Variants in TDRD7 observed in about 807,000 individuals in gnomAD.
TDRD7 encodes the protein tudor domain-containing protein 7.
A neutral mutation model predicts 109.8 loss-of-function variants in TDRD7; 47 were observed. The ratio of observed to expected loss-of-function variants is 0.43; its 90% CI spans 0.34 to 0.55. The LOEUF is 0.55. Ranked by LOEUF, TDRD7 falls within the 20% of genes least tolerant of loss-of-function variation. TDRD7 has a pLI of 0.03. For synonymous variants in TDRD7, 424 were observed against 457.3 expected, an observed-to-expected ratio of 0.93 and a Z score of 0.93; for missense variants, 1,164 against 1,319.2, an observed-to-expected ratio of 0.88 and a Z score of 1.82.
At chr9:97,429,717 C>T (rs1457993661) in intron 2 of TDRD7, among the ~76,000 whole-genome samples, 1 of 152,190 alleles carries the variant, frequency 6.6e-6, no homozygotes, top group Non-Finnish European at 1.5e-5. Flanking sequence ...CCTTGTAATA[C>T]ATCCGTTATC....
Position 97,441,741 on chromosome 9 carries a change from A to G in TDRD7, c.721A>G (p.Ile241Val). The G allele has an allele frequency of 1.2e-6, 2 of 1,613,900 alleles. No individual in the cohort carries two copies. Among genetic ancestry groups the G allele is most frequent in the Non-Finnish European group, 1.7e-6 (2 of 1,179,908 alleles). ...TYKMDEVQNR[I>V]KEILNKHNNG... ...TAAAATGGATGAGGTTCAAAATCGC[A>G]TAAAGGAAATACTAAACAAGCATAA... is the stretch of plus-strand genomic sequence containing the variant. Residue 241 changes from isoleucine (I) to valine (V), a missense_variant, in exon 6 of 17, where the codon ATA (isoleucine) becomes GTA (valine). By Grantham distance (29) the Ile-to-Val change is conservative. This residue lies in a region of TDRD7 where 407 missense variants were observed against 394.0 expected (regional missense o/e 1.03). Coordinates refer to ENST00000355295, the MANE Select transcript of TDRD7 (RefSeq NM_014290.3).
chr9:97,440,276 G>A (rs541940342), intron 5 of TDRD7, among the ~76,000 whole-genome samples: 1 of 152,304 alleles, frequency 6.6e-6, no homozygotes, highest in East Asian at 1.9e-4. Context: ...AGGCACACAT[G>A]TGTACACAAC....
At chr9:97,451,839 A>C (rs1458728565) in intron 6 of TDRD7, among the ~76,000 whole-genome samples, 2 of 152,166 alleles carry the variant, frequency 1.3e-5, no homozygotes, top group African/African-American at 4.8e-5. Flanking sequence ...TTCAGCTGAT[A>C]TCCAATGCAG....
intron 11 of TDRD7, among the ~76,000 whole-genome samples, 164 bp downstream of exon 11, chr9:97,473,790 C>T (rs1444462378): frequency 6.6e-6 from 1 of 152,124 alleles, no homozygotes. Flanking sequence ...GACTTCAGAG[C>T]TTTAAAAGAA....
intron 4 of TDRD7, among the ~76,000 whole-genome samples, chr9:97,436,648 A>T (rs1828205284): frequency 6.6e-6 from 1 of 152,136 alleles, no homozygotes; most frequent in African/African-American, 2.4e-5. Context: ...TCCACTCAAT[A>T]TTATGTAATA....
chr9:97,436,409 A>G (rs1226982634), intron 4 of TDRD7, among the ~76,000 whole-genome samples: 2 of 152,102 alleles, frequency 1.3e-5, no homozygotes, highest in African/African-American at 2.4e-5. Context: ...TGTGAATTAC[A>G]TGTCTTTGTC....
chr9:97,467,670 A>T (rs1828842792), intron 8 of TDRD7, among the ~76,000 whole-genome samples: 1 of 152,250 alleles, frequency 6.6e-6, no homozygotes, highest in Non-Finnish European at 1.5e-5. Context: ...AATAACTATG[A>T]TAGAAAATAA....
chr9:97,473,357 A>G lies in TDRD7; in HGVS notation c.1945-135A>G, dbSNP rs1348532474. On this transcript the variant is annotated intron_variant, in intron 10 of 16. Coordinates refer to ENST00000355295, the MANE Select transcript of TDRD7 (RefSeq NM_014290.3). ...ACATTTAAGCTATAAATTGCATTTC[A>G]TCTTACATATACTCTAACTTAAAGA... 3.3e-6 allele frequency: 4 copies of G among 1,201,518 alleles called. No homozygotes were observed. The African/African-American group carries it at 4.5e-5, about 14-fold the overall frequency. 74.4% of individuals were successfully genotyped at this position (1,201,518 alleles called of 1,614,324 possible).
chr9:97,441,232 G>A (rs1828298245), intron 5 of TDRD7, among the ~76,000 whole-genome samples: 1 of 152,022 alleles, frequency 6.6e-6, no homozygotes, highest in South Asian at 2.1e-4. Flanking sequence ...AAAGTTATTT[G>A]ATCTGTTAAG....
intron 7 of TDRD7, among the ~76,000 whole-genome samples, chr9:97,463,346 T>C (rs1042461783): frequency 2.6e-5 from 4 of 152,010 alleles, no homozygotes; most frequent in African/African-American, 9.6e-5. Flanking sequence ...CCATTGCACA[T>C]GGTTTCCATT....
At chr9:97,481,066 T>C in intron 14 of TDRD7, 128 bp downstream of exon 14, 1 of 791,896 alleles carries the variant, frequency 1.3e-6, no homozygotes, top group Non-Finnish European at 2.2e-6. Context: ...ACATTTTTTA[T>C]ATTCAGCAAA....
In TDRD7 at chr9:97,428,599, G is replaced by T; in HGVS notation, c.134G>T (p.Gly45Val). 1 of 1,613,276 alleles carries T rather than the reference G, an allele frequency of 6.2e-7. No individual in the cohort carries two copies. The highest frequency in any genetic ancestry group is 1.7e-5 in the Admixed American group (1 of 59,948). The change falls in exon 2 of 17, where the codon GGT (glycine) becomes GTT (valine). Residue 45 changes from glycine to valine, a missense_variant. Physicochemically the swap from Gly to Val is moderately radical, Grantham distance 109. Transcript: ENST00000355295. ...GACTGGATCCCCTTCAAACAGCTAGGTTTCCCTACACTAGAAGCCTATCTG... is the reference window on the plus strand; with the variant it reads ...GACTGGATCCCCTTCAAACAGCTAGTTTTCCCTACACTAGAAGCCTATCTG... ...TGDWIPFKQL[G>V]FPTLEAYLRS...
chr9:97,433,551 C>G (rs1226526487), intron 4 of TDRD7, among the ~76,000 whole-genome samples: 1 of 151,790 alleles, frequency 6.6e-6, no homozygotes, highest in East Asian at 1.9e-4. Context: ...TTCTGCACCA[C>G]CGAGGAAACA....
chr9:97,471,570 A>T lies in TDRD7; in HGVS notation c.1742-723A>T, dbSNP rs117488720. Among the ~76,000 whole-genome samples the T allele has an allele frequency of 8.1e-3, 1,230 of 152,212 alleles. 43 individuals carry two copies. In the East Asian group the frequency reaches 0.11, roughly 13 times the overall value. On this transcript the variant is annotated intron_variant, in intron 9 of 16. Coordinates refer to ENST00000355295, the MANE Select transcript of TDRD7 (RefSeq NM_014290.3). ...GAGAACAGAACAAGAAGAAGAAAAA[A>T]CTCGGAGGAGTCTGAATTTTAGCTT...
chr9:97,475,566 G>T, intron 12 of TDRD7, 97 bp downstream of exon 12: 1 of 849,938 alleles, frequency 1.2e-6, no homozygotes. Context: ...AATACTCACA[G>T]ACTCATCATC....
intron 1 of TDRD7, among the ~76,000 whole-genome samples, chr9:97,425,774 G>C (rs1564194271): frequency 6.6e-6 from 1 of 152,156 alleles, no homozygotes; most frequent in Non-Finnish European, 1.5e-5. Flanking sequence ...GCATGCAGTC[G>C]TACATTGCCT....
In TDRD7 at chr9:97,460,289, G is replaced by A. The variant is rs1304504628; in HGVS notation, c.967G>A (p.Gly323Ser). Reference protein sequence around the residue: ...TEKVPLSPLPGPKQTPPLKGC... With the variant: ...TEKVPLSPLPSPKQTPPLKGC... ...GAAAGTACCTCTATCCCCACTACCT[G>A]GTCCCAAACAAACACCACCGTTGAA... The change falls in exon 7 of 17, where the codon GGT (glycine) becomes AGT (serine). Residue 323 changes from glycine to serine, a missense_variant. Physicochemically the swap from Gly to Ser is moderately conservative, Grantham distance 56. Around this residue, in one of 5 missense-constraint regions of TDRD7, gnomAD observed 407 missense variants for 394.0 expected, o/e 1.03. Coordinates refer to ENST00000355295, the MANE Select transcript of TDRD7 (RefSeq NM_014290.3). 6 of 1,614,150 alleles carry A rather than the reference G, an allele frequency of 3.7e-6. No individual in the cohort carries two copies. The highest frequency in any genetic ancestry group is 5.1e-6 in the Non-Finnish European group (6 of 1,180,030).
In TDRD7 at chr9:97,460,450, TG is replaced by T. The variant is rs765628635; in HGVS notation, c.1129del (p.Ala377ProfsTer2). On this transcript the variant is annotated frameshift_variant, in exon 7 of 17. Transcript: ENST00000355295. LOFTEE classifies it high-confidence loss of function. ...EMYKVKFPED[A>X]LKNLASLSDV... ...TGTACAAAGTGAAATTCCCTGAGGATGCCTTAAAAAATCTTGCCTCACTTTC... is the reference window on the plus strand; with the variant it reads ...TGTACAAAGTGAAATTCCCTGAGGATCCTTAAAAAATCTTGCCTCACTTTC... 4 of 1,614,232 alleles carry T rather than the reference TG, an allele frequency of 2.5e-6. No homozygotes were observed. The South Asian group carries it at 4.4e-5, about 18-fold the overall frequency.
chr9:97,463,118 C>CA lies in TDRD7; in HGVS notation c.1443-1723dup, dbSNP rs367893573. On this transcript the variant is annotated intron_variant, in intron 7 of 16. Coordinates refer to ENST00000355295, the MANE Select transcript of TDRD7 (RefSeq NM_014290.3). ...GCCTTAGTATTTGCAAAGCTCAATA[C>CA]ATTTAAATGATAATACCTGGCTCAG... is the stretch of plus-strand genomic sequence containing the variant. 4.0e-3 allele frequency among the ~76,000 whole-genome samples: 613 copies of CA among 152,352 alleles called. 8 individuals carry two copies. Among genetic ancestry groups the CA allele is most frequent in the African/African-American group, 0.014 (597 of 41,582 alleles).
Sources: allele counts gnomAD v4.1 joint callset (sites outside exome capture counted in the v4.1 genomes callset), GRCh38; gene constraint gnomAD v4.1.1; regional missense constraint gnomAD v4.1.1; transcripts MANE v1.5; gene names NCBI Gene and HGNC (gene_info 2026-07-23, HGNC 2026-07-21).